RTL9: variants seen among roughly 807,000 people sequenced by gnomAD.
The protein encoded by RTL9 is retrotransposon Gag-like protein 9.
RTL9 carries 19 observed loss-of-function variants against 44.7 expected under a neutral mutation model. The observed-to-expected ratio is 0.42, with a 90% CI of 0.30 to 0.62. The LOEUF (loss-of-function observed/expected upper bound fraction) is 0.62, where lower values mean the gene tolerates loss of function less well. Ranked by LOEUF, RTL9 falls within the 20% of genes least tolerant of loss-of-function variation. The pLI is 0.16. For missense variants in RTL9, 1,105 were observed against 1,080.6 expected (o/e 1.02, Z -0.32); for synonymous variants, 407 against 398.9 (o/e 1.02, Z -0.24).
chrX:110,390,846 G>T (rs1056338994), intron 1 of RTL9, among the ~76,000 whole-genome samples: 1 of 111,910 alleles, frequency 8.9e-6, no homozygotes, highest in Non-Finnish European at 1.9e-5. Context: ...AACCCTTTCT[G>T]CAGTATGCCT....
exon 1 of RTL9, chrX:110,452,829 T>A: frequency 1.7e-6 from 2 of 1,210,268 alleles, no homozygotes; most frequent in Non-Finnish European, 2.2e-6. Context: ...GCCCATGAAG[T>A]CCATGACCGC....
At chrX:110,430,101 T>G (rs2068786182) in intron 1 of RTL9, among the ~76,000 whole-genome samples, 1 of 112,345 alleles carries the variant, frequency 8.9e-6, no homozygotes, top group Non-Finnish European at 1.9e-5. Context: ...GTTCTTCCAG[T>G]GAATTGTTTA....
At chrX:110,434,463 G>A (rs959179194) in intron 1 of RTL9, among the ~76,000 whole-genome samples, 12 of 111,592 alleles carry the variant, frequency 1.1e-4, no homozygotes, top group South Asian at 3.8e-4. Flanking sequence ...AACCACGACC[G>A]TGGCAGTGAG....
At chrX:110,410,151 G>A (rs574312730) in intron 1 of RTL9, among the ~76,000 whole-genome samples, 123 of 111,374 alleles carry the variant, frequency 1.1e-3, no homozygotes, top group Middle Eastern at 4.6e-3. Flanking sequence ...GACTCGCCTC[G>A]GGTCACAGAG....
exon 1 of RTL9, chrX:110,454,079 G>A (rs2148352216): frequency 8.3e-7 from 1 of 1,212,063 alleles, no homozygotes; most frequent in East Asian, 3.0e-5. Flanking sequence ...TCTTAGAAGA[G>A]CAGGAAGCAG....
At chrX:110,393,968 G>A (rs182457478) in intron 1 of RTL9, among the ~76,000 whole-genome samples, 2 of 112,510 alleles carry the variant, frequency 1.8e-5, no homozygotes, top group East Asian at 2.8e-4. Context: ...TAAATGACAC[G>A]ATAGGAAAGC....
At chrX:110,403,839 C>T (rs190769285) in intron 1 of RTL9, among the ~76,000 whole-genome samples, 3 of 112,336 alleles carry the variant, frequency 2.7e-5, no homozygotes, top group Non-Finnish European at 3.8e-5. Flanking sequence ...CCTCAGACCC[C>T]ACTGGAGGTG....
At chrX:110,420,240 G>A (rs1209721126) in intron 1 of RTL9, among the ~76,000 whole-genome samples, 1 of 112,382 alleles carries the variant, frequency 8.9e-6, no homozygotes, top group African/African-American at 3.2e-5. Context: ...AGCTTCTCAA[G>A]TGCAGAGACT....
At chrX:110,424,355 C>T (rs1341116537) in intron 1 of RTL9, among the ~76,000 whole-genome samples, 2 of 111,712 alleles carry the variant, frequency 1.8e-5, no homozygotes, top group African/African-American at 6.5e-5. Flanking sequence ...TACTGTTTCT[C>T]CTCCTCTATT....
intron 1 of RTL9, among the ~76,000 whole-genome samples, chrX:110,371,865 T>C (rs2068340997): frequency 9.0e-6 from 1 of 111,414 alleles, no homozygotes; most frequent in East Asian, 2.8e-4. Context: ...TGCTTCACCA[T>C]CCTTTTTGCT....
intron 1 of RTL9, among the ~76,000 whole-genome samples, chrX:110,375,206 T>A (rs953713017): frequency 8.0e-5 from 9 of 111,927 alleles, no homozygotes; most frequent in African/African-American, 2.9e-4. Context: ...AATAATCTAC[T>A]AGCAAATTCA....
At chrX:110,445,086 A>G (rs2068901485) in intron 1 of RTL9, 67 bp from the exon 2 acceptor site, 5 of 112,611 alleles carry the variant, frequency 4.4e-5, no homozygotes, top group Admixed American at 2.8e-4. Context: ...CATAATTCCC[A>G]ACTAACAGTC....
At chrX:110,425,937 G>T (rs887950140) in intron 1 of RTL9, among the ~76,000 whole-genome samples, 30 of 112,289 alleles carry the variant, frequency 2.7e-4, no homozygotes, top group African/African-American at 9.4e-4. Context: ...GTCAGCTCCT[G>T]TGCTAGGCAT....
At chrX:110,367,664 A>G (rs368806058) in intron 1 of RTL9, among the ~76,000 whole-genome samples, 2 of 111,133 alleles carry the variant, frequency 1.8e-5, no homozygotes, top group East Asian at 5.6e-4. Context: ...GGTCAAAGTG[A>G]CTATTTTCCT....
At chrX:110,399,208 C>T (rs1489654889) in intron 1 of RTL9, among the ~76,000 whole-genome samples, 1 of 112,578 alleles carries the variant, frequency 8.9e-6, no homozygotes, top group Non-Finnish European at 1.9e-5. Context: ...GCACATTCCA[C>T]TTTCTGTACC....
rs1238646643 is a variant in RTL9 at position 110,397,812 on chromosome X, CA to C, written c.-168+38899del. Among the ~76,000 whole-genome samples the C allele has an allele frequency of 6.3e-5, 7 of 111,762 alleles. No homozygotes were observed. In the South Asian group the frequency reaches 1.1e-3, roughly 18 times the overall value. ...AAAGGAAGTAATGGACTTGGGGGGG[CA>C]AACAGGCCTGGGGACAGCACAGATC... On this transcript the variant is annotated intron_variant, in intron 1 of 2. Transcript: ENST00000520821.
chrX:110,381,569 T>G (rs1402714769), intron 1 of RTL9, among the ~76,000 whole-genome samples: 1 of 112,029 alleles, frequency 8.9e-6, no homozygotes, highest in East Asian at 2.8e-4. Context: ...GTCCTCTTAC[T>G]GGGTATATAT....
chrX:110,454,160 C>T (rs138175129), exon 1 of RTL9: 427 of 1,210,272 alleles, frequency 3.5e-4, no homozygotes, highest in Middle Eastern at 1.1e-3. Context: ...GGTTTTTGGA[C>T]GATTCAGAGA....
upstream of RTL9, among the ~76,000 whole-genome samples, chrX:110,447,702 A>G (rs1175115268): frequency 2.7e-5 from 3 of 111,145 alleles, no homozygotes; most frequent in Non-Finnish European, 1.9e-5. Context: ...GGAATTATAT[A>G]ATGCATATGT....
Sources: allele counts gnomAD v4.1 joint callset (sites outside exome capture counted in the v4.1 genomes callset), GRCh38; gene constraint gnomAD v4.1.1; transcripts MANE v1.5; gene names NCBI Gene and HGNC (gene_info 2026-07-23, HGNC 2026-07-21).